SZRD1: variants seen among roughly 807,000 people sequenced by gnomAD.
SZRD1 encodes SUZ RNA-binding domain-containing.
Under a neutral mutation model 17.6 loss-of-function variants are expected in SZRD1, and 7 were observed. The observed-to-expected ratio is 0.40, with a 90% confidence interval of 0.23 to 0.75. SZRD1 has a LOEUF of 0.75. Among genes scored for constraint, SZRD1 ranks in the 30% least tolerant of loss-of-function variants. SZRD1 has a pLI of 0.38. For synonymous variants in SZRD1, 77 were observed against 77.9 expected, an observed-to-expected ratio of 0.99 and a Z score of 0.06; for missense variants, 178 against 201.8, an observed-to-expected ratio of 0.88 and a Z score of 0.71.
rs1389904184 is a variant in SZRD1 at position 16,393,939 on chromosome 1, T to C, written c.356+457T>C. ...ATGTGGAGAGCCTGGGCTGGCAGAG[T>C]GGAAAGTACCCCAGATAAGTGCTTT... On this transcript the variant is annotated intron_variant, in intron 3 of 3. Coordinates refer to ENST00000401088, the MANE Select transcript of SZRD1 (RefSeq NM_001114600.3). This position sits in a 1 kb window ranked among gnomAD's most constrained non-coding sequence, Gnocchi z 5.6. 6.6e-6 allele frequency among the ~76,000 whole-genome samples: 1 copy of C among 152,134 alleles called. No individual in the cohort carries two copies. Among genetic ancestry groups the C allele is most frequent in the East Asian group, 1.9e-4 (1 of 5,198 alleles).
At chr1:16,378,360 T>G (rs1389498533) in intron 1 of SZRD1, among the ~76,000 whole-genome samples, 2 of 148,622 alleles carry the variant, frequency 1.3e-5, no homozygotes, top group African/African-American at 4.9e-5. Flanking sequence ...ATCAGCTCAC[T>G]GCAACCTCCG....
chr1:16,367,491 T>G (rs1164740846), intron 1 of SZRD1, among the ~76,000 whole-genome samples, 183 bp downstream of exon 1: 1 of 128,882 alleles, frequency 7.8e-6, no homozygotes, highest in East Asian at 1.9e-4. Flanking sequence ...GCGATCCATT[T>G]CTCTCCTTTC....
chr1:16,375,685 C>G (rs972673935), intron 1 of SZRD1, among the ~76,000 whole-genome samples: 7 of 152,156 alleles, frequency 4.6e-5, no homozygotes, highest in Admixed American at 1.3e-4. Flanking sequence ...CCCCTCCCCC[C>G]AACAAACTCG....
intron 1 of SZRD1, among the ~76,000 whole-genome samples, chr1:16,381,571 AG>A (rs1170847776): frequency 4.0e-5 from 6 of 150,288 alleles, no homozygotes; most frequent in African/African-American, 1.5e-4. Context: ...AAAAAAAAAA[AG>A]ATCAGAGAAG....
At chr1:16,385,875 G>T (rs1013627975) in intron 1 of SZRD1, among the ~76,000 whole-genome samples, 1 of 152,180 alleles carries the variant, frequency 6.6e-6, no homozygotes, top group African/African-American at 2.4e-5. Flanking sequence ...CCTTGTGGTT[G>T]TGGCTCTCCT....
intron 1 of SZRD1, among the ~76,000 whole-genome samples, chr1:16,374,352 A>G (rs978825893): frequency 8.5e-5 from 13 of 152,158 alleles, no homozygotes; most frequent in Non-Finnish European, 1.9e-4. Context: ...GACTCTGGAA[A>G]AAGGTTGGTT....
At position 16,393,357 on chromosome 1, in the gene SZRD1, C is replaced by T. The variant is rs1246155041; in HGVS notation, c.231C>T (p.Ser77=). ...ACGGTGTGGTCAGCAGCCCCAACTCCACCAGCAGGCCCACCCTTCCAGTCA... is the reference window on the plus strand; with the variant it reads ...ACGGTGTGGTCAGCAGCCCCAACTCTACCAGCAGGCCCACCCTTCCAGTCA... ...TSNGVVSSPN[S]TSRPTLPVKS... is the part of the protein sequence containing the mutation. Residue 77 remains serine, a synonymous_variant, in exon 3 of 4, where the codon TCC becomes TCT. Coordinates refer to ENST00000401088, the MANE Select transcript of SZRD1 (RefSeq NM_001114600.3). This position sits in a 1 kb window ranked among gnomAD's most constrained non-coding sequence, Gnocchi z 5.6. The T allele has an allele frequency of 1.2e-6, 2 of 1,614,100 alleles. No individual in the cohort carries two copies. Among genetic ancestry groups the T allele is most frequent in the African/African-American group, 1.3e-5 (1 of 74,926 alleles).
At position 16,397,031 on chromosome 1, in the gene SZRD1, A is replaced by T. The variant is rs2085323787; in HGVS notation, c.*1891A>T. The T allele has an allele frequency of 6.6e-6, 1 of 152,270 alleles. No homozygotes were observed. Among genetic ancestry groups the T allele is most frequent in the South Asian group, 2.1e-4 (1 of 4,836 alleles). 9.4% of individuals were successfully genotyped at this position (152,270 alleles called of 1,614,324 possible). A position where few individuals can be genotyped will look rare whatever the true frequency, so the allele number is the denominator to read the frequency against. ...ATGTGTAGTGTCCATCCCTTATGTA[A>T]TAGTGGTTTCCCGCCCAAAGTGAGA... is the stretch of plus-strand genomic sequence containing the variant. On this transcript the variant is annotated 3_prime_UTR_variant, in exon 4 of 4. Transcript: ENST00000401088. The surrounding 1 kb of genome is among the most constrained non-coding windows in gnomAD (Gnocchi z 5.4).
chr1:16,380,213 G>A (rs1007619337), intron 1 of SZRD1, among the ~76,000 whole-genome samples: 1 of 152,126 alleles, frequency 6.6e-6, no homozygotes, highest in Non-Finnish European at 1.5e-5. Context: ...GGTGGTGCGC[G>A]GCTGTATTCC....
At chr1:16,375,452 C>T (rs1353871270) in intron 1 of SZRD1, among the ~76,000 whole-genome samples, 1 of 152,070 alleles carries the variant, frequency 6.6e-6, no homozygotes, top group Non-Finnish European at 1.5e-5. Flanking sequence ...GTAGCTGGGA[C>T]TACAGGCTCA....
intron 1 of SZRD1, 106 bp downstream of exon 1, chr1:16,367,414 A>T (rs1307043466): frequency 1.8e-6 from 2 of 1,130,832 alleles, no homozygotes; most frequent in Non-Finnish European, 2.5e-6. Flanking sequence ...AGGGCCCCAT[A>T]CGCCGGGCTG....
intron 1 of SZRD1, among the ~76,000 whole-genome samples, chr1:16,383,411 G>A (rs868664533): frequency 1.3e-5 from 2 of 151,658 alleles, no homozygotes; most frequent in Middle Eastern, 3.2e-3. Context: ...GTAGAGTTGA[G>A]GTCTTACTTT....
At position 16,397,887 on chromosome 1, in the gene SZRD1, T is replaced by TAG; in HGVS notation, c.*2748_*2749insGA. The TAG allele has an allele frequency of 4.8e-6, 2 of 413,792 alleles. No individual in the cohort carries two copies. The highest frequency in any genetic ancestry group is 6.5e-6 in the Non-Finnish European group (2 of 307,320). 25.6% of individuals were successfully genotyped at this position (413,792 alleles called of 1,614,324 possible). A position where few individuals can be genotyped will look rare whatever the true frequency, so the allele number is the denominator to read the frequency against. Reference sequence around the variant, plus strand: ...GCTCAGGGATGGGCTGGCAGGGCTGTACCCAGCCTCCCTGGTAAGCAGAGA... The same window carrying TAG: ...GCTCAGGGATGGGCTGGCAGGGCTGTAGACCCAGCCTCCCTGGTAAGCAGAGA... On this transcript the variant is annotated 3_prime_UTR_variant, in exon 4 of 4. Transcript: ENST00000401088. The surrounding 1 kb of genome is among the most constrained non-coding windows in gnomAD (Gnocchi z 5.4).
At chr1:16,383,022 C>T (rs1164061729) in intron 1 of SZRD1, among the ~76,000 whole-genome samples, 4 of 152,118 alleles carry the variant, frequency 2.6e-5, no homozygotes, top group South Asian at 2.1e-4. Context: ...CCCGCCACCA[C>T]GTCCGGCTAA....
chr1:16,379,521 G>A (rs1395585484), intron 1 of SZRD1, among the ~76,000 whole-genome samples: 1 of 152,238 alleles, frequency 6.6e-6, no homozygotes, highest in Non-Finnish European at 1.5e-5. Context: ...GCGAAGATAA[G>A]AGGTGGTAAA....
At chr1:16,367,584 G>C in intron 1 of SZRD1, 1 of 505,218 alleles carries the variant, frequency 2.0e-6, no homozygotes, top group South Asian at 2.5e-5. Flanking sequence ...CTCCTTTCCT[G>C]ACCCCCCGCG....
At chr1:16,394,950 G>T (rs539450056) in intron 3 of SZRD1, 88 bp from the exon 4 acceptor site, 1 of 810,324 alleles carries the variant, frequency 1.2e-6, no homozygotes, top group Non-Finnish European at 2.0e-6. Context: ...ATGAGACTCC[G>T]TCTCAAAAAT....
chr1:16,370,143 G>A (rs1407700208), intron 1 of SZRD1, among the ~76,000 whole-genome samples: 3 of 152,042 alleles, frequency 2.0e-5, no homozygotes, highest in Non-Finnish European at 2.9e-5. Context: ...TCAAGGCTGG[G>A]CTTTTTTTCT....
At chr1:16,388,749 G>C (rs989208935) in intron 1 of SZRD1, among the ~76,000 whole-genome samples, 1 of 132,386 alleles carries the variant, frequency 7.6e-6, no homozygotes, top group Non-Finnish European at 1.5e-5. Context: ...GCAGTGGTGT[G>C]ATCTCCACTC....
Sources: allele counts gnomAD v4.1 joint callset (sites outside exome capture counted in the v4.1 genomes callset), GRCh38; gene constraint gnomAD v4.1.1; non-coding constraint Gnocchi (gnomAD v3.1); transcripts MANE v1.5; gene names NCBI Gene and HGNC (gene_info 2026-07-23, HGNC 2026-07-21).